The following MFSD11 variants were observed in gnomAD, a reference collection of about 807,000 sequenced individuals.
MFSD11 encodes major facilitator superfamily domain containing 11, also known as UNC93-like protein MFSD11.
MFSD11 carries 36 observed loss-of-function variants against 53.5 expected under a neutral mutation model. The observed-to-expected ratio is 0.67, with a 90% CI of 0.52 to 0.89. MFSD11 has a LOEUF of 0.89. Ranked by LOEUF, MFSD11 falls within the 40% of genes least tolerant of loss-of-function variation. The pLI is 0.00. For synonymous variants in MFSD11, 186 were observed against 184.9 expected, an observed-to-expected ratio of 1.01 and a Z score of -0.05; for missense variants, 530 against 543.9, an observed-to-expected ratio of 0.97 and a Z score of 0.25.
At chr17:76,788,618 G>A in the MFSD11 span, among the ~76,000 whole-genome samples, 2 of 149,504 alleles carry the variant, frequency 1.3e-5, no homozygotes, top group Non-Finnish European at 3.0e-5. Flanking sequence ...TTGGGAGGCC[G>A]AGGCAGGTGG....
At chr17:76,741,449 C>T (rs1227590960) in intron 3 of MFSD11, among the ~76,000 whole-genome samples, 1 of 152,030 alleles carries the variant, frequency 6.6e-6, no homozygotes, top group Non-Finnish European at 1.5e-5. Flanking sequence ...CACTGCAAAC[C>T]TGTAAAATGT....
At chr17:76,794,087 C>T in the MFSD11 span, among the ~76,000 whole-genome samples, 2 of 151,350 alleles carry the variant, frequency 1.3e-5, no homozygotes, top group Non-Finnish European at 2.9e-5. Context: ...TTCTGACCTC[C>T]AGAAGTGTAA....
At chr17:76,785,458 T>C (rs994328511), downstream of MFSD11, among the ~76,000 whole-genome samples, 4 of 152,136 alleles carry the variant, frequency 2.6e-5, no homozygotes, top group Admixed American at 2.0e-4. Context: ...CACCTCAGCC[T>C]TCCGAGTAGC....
rs534039374 is a variant in MFSD11 at position 76,779,200 on chromosome 17, G to A, written c.*848G>A. ...ACCTGGGAGGCGGAGGTTGCAGTGA[G>A]CCGAGATCGTGCCATTGCACTCCAG... On this transcript the variant is annotated 3_prime_UTR_variant, in exon 13 of 13. Coordinates refer to ENST00000685175, the MANE Select transcript of MFSD11 (RefSeq NM_001242532.5). The A allele has an allele frequency of 6.9e-6, 1 of 144,338 alleles. No homozygotes were observed. Among genetic ancestry groups the A allele is most frequent in the African/African-American group, 2.6e-5 (1 of 38,060 alleles). 8.9% of individuals were successfully genotyped at this position (144,338 alleles called of 1,614,324 possible).
At chr17:76,784,576 T>C (rs1025470046), downstream of MFSD11, among the ~76,000 whole-genome samples, 8 of 150,122 alleles carry the variant, frequency 5.3e-5, no homozygotes, top group Admixed American at 3.3e-4. Flanking sequence ...CTCCATACGA[T>C]GGAATGGCAT....
the MFSD11 span, among the ~76,000 whole-genome samples, chr17:76,802,973 C>T: frequency 6.6e-6 from 1 of 151,732 alleles, no homozygotes; most frequent in Non-Finnish European, 1.5e-5. Context: ...CTGGCTAACA[C>T]GGTGAAACCC....
At position 76,767,518 on chromosome 17, in the gene MFSD11, C is replaced by T. The variant is rs191066700; in HGVS notation, c.748+67C>T. 22 of 995,248 alleles carry T rather than the reference C, an allele frequency of 2.2e-5. No homozygotes were observed. The East Asian group carries it at 2.9e-4, about 13-fold the overall frequency. 61.7% of individuals were successfully genotyped at this position (995,248 alleles called of 1,614,324 possible). A position where few individuals can be genotyped will look rare whatever the true frequency, so the allele number is the denominator to read the frequency against. ...ACAATAAGGAGTTGAAAACGAGCCACGTTATTATTTCTCACAATTCTGTGC... is the reference window on the plus strand; with the variant it reads ...ACAATAAGGAGTTGAAAACGAGCCATGTTATTATTTCTCACAATTCTGTGC... On this transcript the variant is annotated intron_variant, in intron 9 of 12. Coordinates refer to ENST00000685175, the MANE Select transcript of MFSD11 (RefSeq NM_001242532.5).
chr17:76,749,412 C>G (rs2078839497), intron 7 of MFSD11, among the ~76,000 whole-genome samples: 1 of 151,938 alleles, frequency 6.6e-6, no homozygotes, highest in Non-Finnish European at 1.5e-5. Context: ...GTCTGTGCTC[C>G]CAGCTACTTG....
intron 7 of MFSD11, among the ~76,000 whole-genome samples, chr17:76,749,543 G>A (rs969619274): frequency 2.4e-5 from 2 of 82,596 alleles, no homozygotes; most frequent in Non-Finnish European, 5.2e-5. Flanking sequence ...AAAAAAAAAA[G>A]AAGAAGAAGG....
intron 5 of MFSD11, among the ~76,000 whole-genome samples, chr17:76,742,616 C>T (rs2078198294): frequency 6.6e-6 from 1 of 152,076 alleles, no homozygotes; most frequent in South Asian, 2.1e-4. Context: ...AATTCTCCTG[C>T]CTTAGCCTCC....
At chr17:76,762,944 G>T (rs2080433003) in intron 8 of MFSD11, among the ~76,000 whole-genome samples, 1 of 151,694 alleles carries the variant, frequency 6.6e-6, no homozygotes, top group African/African-American at 2.4e-5. Context: ...GGACAAGGCT[G>T]CCTTCAGCTA....
intron 10 of MFSD11, among the ~76,000 whole-genome samples, chr17:76,770,333 C>T (rs1033046264): frequency 2.0e-5 from 3 of 152,078 alleles, no homozygotes; most frequent in Admixed American, 6.6e-5. Flanking sequence ...CCACCATGCC[C>T]GGCCTATTAT....
At chr17:76,788,037 CAG>C in the MFSD11 span, among the ~76,000 whole-genome samples, 2 of 146,544 alleles carry the variant, frequency 1.4e-5, no homozygotes, top group African/African-American at 5.2e-5. Context: ...TTTTTTGAGA[CAG>C]AGTCTCACTC....
In MFSD11 at chr17:76,738,575, C is replaced by T. The variant is rs113223296; in HGVS notation, c.96+127C>T. 5.8e-3 allele frequency: 3,971 copies of T among 689,832 alleles called. 131 individuals carry two copies. The African/African-American group carries it at 0.064, about 11-fold the overall frequency. The allele number at this position is 689,832 out of a possible 1,614,324, so 42.7% of individuals were successfully genotyped here. On this transcript the variant is annotated intron_variant, in intron 1 of 12. Coordinates refer to ENST00000685175, the MANE Select transcript of MFSD11 (RefSeq NM_001242532.5). ...TCTTTCATTTTTCCCACCCAGACTT[C>T]CTCATTTTTTATGATTAGGTTTGAT...
intron 8 of MFSD11, among the ~76,000 whole-genome samples, chr17:76,763,405 A>G (rs952415051): frequency 4.6e-5 from 7 of 151,798 alleles, no homozygotes; most frequent in African/African-American, 1.7e-4. Flanking sequence ...GCGGGATTAC[A>G]GGTGCATGCT....
chr17:76,794,329 T>G, the MFSD11 span, among the ~76,000 whole-genome samples: 1 of 150,612 alleles, frequency 6.6e-6, no homozygotes, highest in Non-Finnish European at 1.5e-5. Flanking sequence ...ACTAAAAAAT[T>G]AGCCGGGCGT....
In MFSD11 at chr17:76,776,437, TTG is replaced by T. The variant is rs768450114; in HGVS notation, c.1082_1083del (p.Leu361TrpfsTer8). On this transcript the variant is annotated frameshift_variant, in exon 12 of 13. Coordinates refer to ENST00000685175, the MANE Select transcript of MFSD11 (RefSeq NM_001242532.5). LOFTEE classifies it high-confidence loss of function. The surrounding 1 kb of genome is among the most constrained non-coding windows in gnomAD (Gnocchi z 4.2). ...KEVAILCSFL[L>X]GLGDSCFNTQ... Reference sequence around the variant, plus strand: ...AGTTGCCATTCTCTGCAGTTTTCTGTTGGGCCTTGGAGACAGCTGCTTTAATA... The same window carrying T: ...AGTTGCCATTCTCTGCAGTTTTCTGTGGCCTTGGAGACAGCTGCTTTAATA... 7 of 1,613,950 alleles carry T rather than the reference TTG, an allele frequency of 4.3e-6. No homozygotes were observed. Among genetic ancestry groups the T allele is most frequent in the Non-Finnish European group, 5.9e-6 (7 of 1,180,016 alleles).
At chr17:76,774,250 A>C (rs2081619419) in intron 10 of MFSD11, among the ~76,000 whole-genome samples, 1 of 151,504 alleles carries the variant, frequency 6.6e-6, no homozygotes, top group Non-Finnish European at 1.5e-5. Context: ...TATATATACA[A>C]TTTTTTCTTT....
rs2081873123 is a variant in MFSD11 at position 76,776,800 on chromosome 17, C to A, written c.1185+259C>A. Among the ~76,000 whole-genome samples, 1 of 151,030 alleles carries A rather than the reference C, an allele frequency of 6.6e-6. No individual in the cohort carries two copies. ...AGATTACAGGTGCACACCACCATGC[C>A]TGGCTAATTTTTGTATTTTTTTTTT... is the stretch of plus-strand genomic sequence containing the variant. On this transcript the variant is annotated intron_variant, in intron 12 of 12. Coordinates refer to ENST00000685175, the MANE Select transcript of MFSD11 (RefSeq NM_001242532.5). The surrounding 1 kb of genome is among the most constrained non-coding windows in gnomAD (Gnocchi z 4.2).
Sources: allele counts gnomAD v4.1 joint callset (sites outside exome capture counted in the v4.1 genomes callset), GRCh38; gene constraint gnomAD v4.1.1; non-coding constraint Gnocchi (gnomAD v3.1); transcripts MANE v1.5; gene names NCBI Gene and HGNC (gene_info 2026-07-23, HGNC 2026-07-21).